TST: variants seen among roughly 807,000 people sequenced by gnomAD.
The protein encoded by TST is epididymis secretory sperm binding protein.
TST carries 22 observed loss-of-function variants against 20.4 expected under a neutral mutation model. That is an observed-to-expected ratio of 1.08 (90% CI 0.77 to 1.54). The LOEUF (loss-of-function observed/expected upper bound fraction) is 1.54, where lower values mean the gene tolerates loss of function less well. Among genes scored for constraint, TST ranks in the 40% most tolerant of loss-of-function variants. The pLI, the probability that TST is intolerant of heterozygous loss-of-function variation, is 0.00. For missense variants in TST, 392 were observed against 405.2 expected, an observed-to-expected ratio of 0.97 and a Z score of 0.28; for synonymous variants, 187 against 173.8, an observed-to-expected ratio of 1.08 and a Z score of -0.60.
At chr22:37,015,915 T>G in intron 2 of TST, among the ~76,000 whole-genome samples, 1 of 148,230 alleles carries the variant, frequency 6.7e-6, no homozygotes, top group Non-Finnish European at 1.5e-5. Flanking sequence ...CTTCTTGAAA[T>G]CCCTTTCCAG....
At position 37,018,451 on chromosome 22, in the gene TST, C is replaced by A. The variant is rs915444501; in HGVS notation, c.282G>T (p.Thr94=). Reference sequence around the variant, plus strand: ...GTTCACCATCATACACCACCACGTGCGTGTGGTTGCTGATGCCCAGGCGGC... The same window carrying A: ...GTTCACCATCATACACCACCACGTGAGTGTGGTTGCTGATGCCCAGGCGGC... ...YVGRLGISNH[T]HVVVYDGEHL... The change falls in exon 2 of 3, where the codon ACG becomes ACT. Residue 94 remains threonine (T), a synonymous_variant. Coordinates refer to ENST00000249042, the MANE Select transcript of TST (RefSeq NM_003312.6). The A allele has an allele frequency of 3.1e-6, 5 of 1,613,018 alleles. No individual in the cohort carries two copies. The South Asian group carries it at 4.4e-5, about 14-fold the overall frequency.
At chr22:37,017,446 G>T (rs1443108930) in intron 2 of TST, among the ~76,000 whole-genome samples, 2 of 152,184 alleles carry the variant, frequency 1.3e-5, no homozygotes, top group Non-Finnish European at 2.9e-5. Context: ...GGCAGCATTG[G>T]ATTCGAATCC....
Position 37,018,670 on chromosome 22 carries a change from C to A in TST, c.63G>T (p.Arg21Ser), listed in dbSNP as rs748372770. Residue 21 changes from arginine (R) to serine (S), a missense_variant, in exon 2 of 3, where the codon AGG (arginine) becomes AGT (serine). By Grantham distance (110) the Arg-to-Ser change is moderately radical. Coordinates refer to ENST00000249042, the MANE Select transcript of TST (RefSeq NM_003312.6). ...GCAGGCCGGGCCCCAGCTTGCCAGT[C>A]CTGATGGACTCCGCCAGCCACTTGG... is the stretch of plus-strand genomic sequence containing the variant. ...VSTKWLAESI[R>S]TGKLGPGLRV... The A allele has an allele frequency of 2.6e-6, 4 of 1,544,974 alleles. No homozygotes were observed. In the South Asian group the frequency reaches 4.8e-5, roughly 19 times the overall value.
intron 1 of TST, 87 bp from the exon 2 acceptor site, chr22:37,018,840 T>C: frequency 1.1e-6 from 1 of 940,294 alleles, no homozygotes; most frequent in Non-Finnish European, 1.5e-6. Context: ...GAGAAGCTCT[T>C]TCTCCCTCCG....
chr22:37,012,957 G>A (rs1437907565), intron 2 of TST, among the ~76,000 whole-genome samples: 2 of 151,890 alleles, frequency 1.3e-5, no homozygotes, highest in Non-Finnish European at 2.9e-5. Context: ...GAGGAGAAAC[G>A]CTTGAACCTG....
chr22:37,014,243 A>C (rs1019619164), intron 2 of TST, among the ~76,000 whole-genome samples: 2 of 152,152 alleles, frequency 1.3e-5, no homozygotes, highest in Non-Finnish European at 2.9e-5. Flanking sequence ...GGTGGTGGGC[A>C]CCTGTAGTCC....
upstream of TST, chr22:37,019,923 T>G: frequency 3.2e-6 from 3 of 945,120 alleles, no homozygotes; most frequent in Non-Finnish European, 4.1e-6. Context: ...AGGGAGTGGC[T>G]CTTTGGGGGT....
At chr22:37,019,517 C>T (rs1922883100), upstream of TST, 2 of 149,796 alleles carry the variant, frequency 1.3e-5, no homozygotes, top group Admixed American at 1.3e-4. Context: ...AGAGGGGGAC[C>T]CTGCGCCGCC....
rs759229492 is a variant in TST, at chr22:37,018,588, G to T, written c.145C>A (p.Leu49Ile). The T allele has an allele frequency of 1.9e-6, 3 of 1,563,518 alleles. No homozygotes were observed. Among genetic ancestry groups the T allele is most frequent in the African/African-American group, 2.7e-5 (2 of 73,700 alleles). Residue 49 changes from leucine to isoleucine, a missense_variant, in exon 2 of 3, where the codon CTC (leucine) becomes ATC (isoleucine). Leu to Ile is a conservative substitution (Grantham distance 5). Coordinates refer to ENST00000249042, the MANE Select transcript of TST (RefSeq NM_003312.6). ...GAGGCGCCGGGTACGTGGCGCTCGA[G>T]GTACTCCTTGCGGGCCTCTCGGGTG... ...PGTREARKEY[L>I]ERHVPGASFF...
At position 37,018,759 on chromosome 22, in the gene TST, A is replaced by AG; in HGVS notation, c.-21-7_-21-6insC. On this transcript the variant is annotated splice_polypyrimidine_tract_variant and splice_region_variant and intron_variant, in intron 1 of 2. Transcript: ENST00000249042. ...GCTTCAGCTCTGCGTGTCACCTGGC[A>AG]CGGGTGGGAACCAGGAAAGAGAGAC... 6.9e-7 allele frequency: 1 copy of AG among 1,451,176 alleles called. No homozygotes were observed. Among genetic ancestry groups the AG allele is most frequent in the South Asian group, 1.4e-5 (1 of 69,546 alleles). The allele number at this position is 1,451,176 out of a possible 1,614,324, so 89.9% of individuals were successfully genotyped here.
intron 2 of TST, among the ~76,000 whole-genome samples, chr22:37,016,167 G>C (rs923125835): frequency 1.3e-5 from 2 of 151,520 alleles, no homozygotes; most frequent in Non-Finnish European, 2.9e-5. Flanking sequence ...GGCTGGTCTC[G>C]AACTCCCGAG....
At chr22:37,017,927 A>G (rs1922745956) in intron 2 of TST, among the ~76,000 whole-genome samples, 2 of 152,170 alleles carry the variant, frequency 1.3e-5, no homozygotes, top group Admixed American at 6.5e-5. Context: ...GCACATGGCT[A>G]TGAGGACACA....
At chr22:37,017,537 T>G (rs1922724374) in intron 2 of TST, among the ~76,000 whole-genome samples, 1 of 151,842 alleles carries the variant, frequency 6.6e-6, no homozygotes. Flanking sequence ...CTTTGTTCGC[T>G]GAGATAATGC....
In TST at chr22:37,011,317, A is replaced by C; in HGVS notation, c.604T>G (p.Ser202Ala). ...TTGACGGCACCACGGATATGGCCCGAGTCCAGTCCTGGGCAGGGCAGAGGA... is the reference window on the plus strand; with the variant it reads ...TTGACGGCACCACGGATATGGCCCGCGTCCAGTCCTGGGCAGGGCAGAGGA... ...EPEPDAVGLDSGHIRGAVNMP... is the reference protein window; with the variant it reads ...EPEPDAVGLDAGHIRGAVNMP... Residue 202 changes from serine to alanine, a missense_variant, in exon 3 of 3, where the codon TCG becomes GCG. Transcript: ENST00000249042. 6.2e-7 allele frequency: 1 copy of C among 1,611,892 alleles called. No individual in the cohort carries two copies. Among genetic ancestry groups the C allele is most frequent in the East Asian group, 2.2e-5 (1 of 44,832 alleles).
Position 37,018,577 on chromosome 22 carries a change from G to T in TST, c.156C>A (p.His52Gln). Residue 52 changes from histidine (H) to glutamine (Q), a missense_variant, in exon 2 of 3, where the codon CAC becomes CAA. By Grantham distance (24) the His-to-Gln change is conservative. Coordinates refer to ENST00000249042, the MANE Select transcript of TST (RefSeq NM_003312.6). ...REARKEYLER[H>Q]VPGASFFDIE... ...TGTCAAAGAAAGAGGCGCCGGGTACGTGGCGCTCGAGGTACTCCTTGCGGG... is the reference window on the plus strand; with the variant it reads ...TGTCAAAGAAAGAGGCGCCGGGTACTTGGCGCTCGAGGTACTCCTTGCGGG... 1 of 1,562,922 alleles carries T rather than the reference G, an allele frequency of 6.4e-7. No homozygotes were observed. The highest frequency in any genetic ancestry group is 8.7e-7 in the Non-Finnish European group (1 of 1,153,848).
chr22:37,016,205 A>G (rs1244092079), intron 2 of TST, among the ~76,000 whole-genome samples: 2 of 151,636 alleles, frequency 1.3e-5, no homozygotes, highest in African/African-American at 4.8e-5. Flanking sequence ...TTGGTCTCCC[A>G]AGGTGCTGGG....
chr22:37,019,311 C>T (rs1302841638), intron 1 of TST, 89 bp downstream of exon 1: 2 of 151,898 alleles, frequency 1.3e-5, no homozygotes, highest in African/African-American at 4.8e-5. Flanking sequence ...GGCACCCCGT[C>T]CCACTCTCGC....
At chr22:37,013,333 G>A (rs1922551195) in intron 2 of TST, 1 of 152,098 alleles carries the variant, frequency 6.6e-6, no homozygotes, top group African/African-American at 2.4e-5. Flanking sequence ...AAAGTAGAAA[G>A]GCCAGGCATG....
In TST at chr22:37,019,428, C is replaced by T. The variant is rs1922873438; in HGVS notation, c.-50G>A. The T allele has an allele frequency of 6.6e-6, 1 of 151,514 alleles. No homozygotes were observed. The highest frequency in any genetic ancestry group is 1.5e-5 in the Non-Finnish European group (1 of 67,880). The allele number at this position is 151,514 out of a possible 1,614,324, so 9.4% of individuals were successfully genotyped here. On this transcript the variant is annotated 5_prime_UTR_variant, in exon 1 of 3. Transcript: ENST00000249042. Reference sequence around the variant, plus strand: ...CCCCGGACGCCGCGCTGGCGCTCGCCCCGGCCGGCTGGAGAAGTTGGCCGG... The same window carrying T: ...CCCCGGACGCCGCGCTGGCGCTCGCTCCGGCCGGCTGGAGAAGTTGGCCGG...
Sources: gnomAD v4.1 joint callset for allele counts (sites outside exome capture counted in the v4.1 genomes callset) on GRCh38, gnomAD v4.1.1 for gene constraint, MANE v1.5 for transcripts, NCBI Gene and HGNC (gene_info 2026-07-23, HGNC 2026-07-21) for gene names.